Variants in PHIP observed in about 807,000 individuals in gnomAD.
PHIP encodes PH-interacting protein.
Under a neutral mutation model 236.8 loss-of-function variants are expected in PHIP, and 54 were observed. That is an observed-to-expected ratio of 0.23 (90% CI 0.18 to 0.29). The LOEUF (loss-of-function observed/expected upper bound fraction) is 0.29, where lower values mean the gene tolerates loss of function less well. Ranked by LOEUF, PHIP falls within the 10% of genes least tolerant of loss-of-function variation. The probability of loss-of-function intolerance (pLI) is 1.00; values close to 1 mark genes in which losing one functional copy is unlikely to be tolerated. For missense variants in PHIP, 1,370 were observed against 2,190.8 expected (o/e 0.63, Z 7.48); for synonymous variants, 756 against 718.9 (o/e 1.05, Z -0.83).
chr6:79,077,629 G>GGCAGCGGCGGC (rs1365029233), intron 3 of PHIP, 71 bp downstream of exon 3: 2 of 899,724 alleles, frequency 2.2e-6, no homozygotes, highest in African/African-American at 1.8e-5. Context: ...TGCCGGCGGC[G>GGCAGCGGCGGC]GCAGCGGCGG....
chr6:78,975,985 A>G lies in PHIP; in HGVS notation c.2889+2607T>C, dbSNP rs968874326. Among the ~76,000 whole-genome samples the G allele has an allele frequency of 5.9e-5, 9 of 151,954 alleles. No individual in the cohort carries two copies. The East Asian group carries it at 1.7e-3, about 30-fold the overall frequency. ...TACAGATTCAATGCCATCCCCATCA[A>G]GCTACCAATGCCTTTCTTCACAGAA... On this transcript the variant is annotated intron_variant, in intron 24 of 39. Transcript: ENST00000275034.
At chr6:79,017,110 TATAGG>T (rs1770868245) in intron 12 of PHIP, among the ~76,000 whole-genome samples, 1 of 151,950 alleles carries the variant, frequency 6.6e-6, no homozygotes, top group Admixed American at 6.6e-5. Context: ...ATCTGGAATA[TATAGG>T]GTGATTTAAA....
At chr6:79,036,462 C>T (rs1237925488) in intron 7 of PHIP, among the ~76,000 whole-genome samples, 3 of 152,178 alleles carry the variant, frequency 2.0e-5, no homozygotes, top group Non-Finnish European at 4.4e-5. Context: ...TGCTTCTAAA[C>T]AACCTCCTAT....
chr6:78,955,283 C>T lies in PHIP; in HGVS notation c.3853-1G>A. 1 of 1,604,558 alleles carries T rather than the reference C, an allele frequency of 6.2e-7. No individual in the cohort carries two copies. Among genetic ancestry groups the T allele is most frequent in the Non-Finnish European group, 8.5e-7 (1 of 1,172,660 alleles). On this transcript the variant is annotated splice_acceptor_variant, in intron 33 of 39. Coordinates refer to ENST00000275034, the MANE Select transcript of PHIP (RefSeq NM_017934.7). LOFTEE classifies it high-confidence loss of function. Reference sequence around the variant, plus strand: ...GCACATCAGCATCTTTCTCTTCATCCTTTGAGGCAAGAATTTACCAGATTC... The same window carrying T: ...GCACATCAGCATCTTTCTCTTCATCTTTTGAGGCAAGAATTTACCAGATTC...
intron 7 of PHIP, among the ~76,000 whole-genome samples, chr6:79,039,602 A>C (rs1352972405): frequency 6.6e-6 from 1 of 152,186 alleles, no homozygotes; most frequent in Non-Finnish European, 1.5e-5. Context: ...TGGCTGGTTC[A>C]TAAAACTCTG....
intron 6 of PHIP, among the ~76,000 whole-genome samples, chr6:79,044,066 A>G (rs1356746290): frequency 6.6e-6 from 1 of 152,126 alleles, no homozygotes; most frequent in South Asian, 2.1e-4. Flanking sequence ...GGCTCACACT[A>G]TATTTCCAAC....
At chr6:78,977,541 C>G (rs2127713955) in intron 24 of PHIP, among the ~76,000 whole-genome samples, 1 of 151,986 alleles carries the variant, frequency 6.6e-6, no homozygotes, top group African/African-American at 2.4e-5. Flanking sequence ...CATTATTGCT[C>G]CAGTTGTCTG....
intron 6 of PHIP, among the ~76,000 whole-genome samples, chr6:79,047,478 G>T (rs1772560520): frequency 6.6e-6 from 1 of 151,990 alleles, no homozygotes; most frequent in African/African-American, 2.4e-5. Flanking sequence ...TTAAAATTTC[G>T]CAAAGGTTTA....
intron 6 of PHIP, among the ~76,000 whole-genome samples, chr6:79,050,186 A>G (rs1161504157): frequency 6.6e-6 from 1 of 152,172 alleles, no homozygotes; most frequent in Non-Finnish European, 1.5e-5. Context: ...ACCATACAAT[A>G]CATAACAAGG....
chr6:78,972,362 T>C (rs1325549216), intron 24 of PHIP, among the ~76,000 whole-genome samples: 1 of 151,822 alleles, frequency 6.6e-6, no homozygotes, highest in East Asian at 1.9e-4. Context: ...GACATCCACA[T>C]CAAAAACCCA....
rs1279984527 is a variant in PHIP, at chr6:78,934,433, ACTT to A, written c.*6257_*6259del. Among the ~76,000 whole-genome samples, 1 of 152,238 alleles carries A rather than the reference ACTT, an allele frequency of 6.6e-6. No homozygotes were observed. Among genetic ancestry groups the A allele is most frequent in the Non-Finnish European group, 1.5e-5 (1 of 68,042 alleles). ...GCACAATAAAATAAAGTGTGCCTGT[ACTT>A]CTTTTTATTAGTAAACATGTACTTT... On this transcript the variant is annotated 3_prime_UTR_variant, in exon 40 of 40. Transcript: ENST00000275034.
chr6:79,059,594 T>G (rs1401663714), intron 6 of PHIP, among the ~76,000 whole-genome samples: 1 of 48,688 alleles, frequency 2.1e-5, no homozygotes, highest in African/African-American at 7.1e-5. Flanking sequence ...AGCAAAATTA[T>G]ATATATATAT....
rs1766918445 is a variant in PHIP, at chr6:78,963,386, A to C, written c.3380-134T>G. ...ATTTGTAAATATACTCTTTATTTTA[A>C]CAAAGGAAAGTATGTTTTAAGGGTC... On this transcript the variant is annotated intron_variant, in intron 29 of 39. Coordinates refer to ENST00000275034, the MANE Select transcript of PHIP (RefSeq NM_017934.7). 5.0e-6 allele frequency: 3 copies of C among 596,124 alleles called. No homozygotes were observed. In the East Asian group the frequency reaches 1.0e-4, roughly 21 times the overall value. The allele number at this position is 596,124 out of a possible 1,614,324, so 36.9% of individuals were successfully genotyped here. A position where few individuals can be genotyped will look rare whatever the true frequency, so the allele number is the denominator to read the frequency against.
intron 32 of PHIP, chr6:78,957,815 A>G (rs988076594): frequency 6.6e-6 from 1 of 152,018 alleles, no homozygotes; most frequent in Non-Finnish European, 1.5e-5. Flanking sequence ...CCTTAAGATA[A>G]GGAAGGGAAA....
Position 78,988,244 on chromosome 6 carries a change from A to G in PHIP, c.2425T>C (p.Ser809Pro). 1 of 1,599,394 alleles carries G rather than the reference A, an allele frequency of 6.3e-7. No homozygotes were observed. The highest frequency in any genetic ancestry group is 1.1e-5 in the South Asian group (1 of 87,722). ...RSALEETPRPSEEIENGSSSS... is the reference protein window; with the variant it reads ...RSALEETPRPPEEIENGSSSS... ...CTACTGCCATTTTCTATCTCTTCTG[A>G]GGGTCTAGGAGTCTCTTCCAATGCA... The change falls in exon 21 of 40, where the codon TCA becomes CCA. Residue 809 changes from serine (S) to proline (P), a missense_variant. Physicochemically the swap from Ser to Pro is moderately conservative, Grantham distance 74. Around this residue, in one of 14 missense-constraint regions of PHIP, gnomAD observed 99 missense variants for 110.0 expected, o/e 0.90. Coordinates refer to ENST00000275034, the MANE Select transcript of PHIP (RefSeq NM_017934.7).
chr6:79,052,667 G>GA (rs1332791147), intron 6 of PHIP, among the ~76,000 whole-genome samples: 5 of 152,122 alleles, frequency 3.3e-5, no homozygotes, highest in African/African-American at 1.2e-4. Context: ...TTTCATTTTA[G>GA]AAAAAATTTA....
Position 79,078,094 on chromosome 6 carries a change from G to A in PHIP, c.-26C>T. ...GTTTATGGGTCACTTCAGGGCCGCCGACGGGACACCCCGCCGCCGAGGGGA... is the reference window on the plus strand; with the variant it reads ...GTTTATGGGTCACTTCAGGGCCGCCAACGGGACACCCCGCCGCCGAGGGGA... On this transcript the variant is annotated 5_prime_UTR_variant, in exon 1 of 40. Coordinates refer to ENST00000275034, the MANE Select transcript of PHIP (RefSeq NM_017934.7). The A allele has an allele frequency of 3.1e-6, 5 of 1,605,502 alleles. No individual in the cohort carries two copies. The South Asian group carries it at 3.3e-5, about 11-fold the overall frequency.
At chr6:79,042,814 A>T (rs772568635) in intron 7 of PHIP, 29 bp downstream of exon 7, 1 of 1,496,824 alleles carries the variant, frequency 6.7e-7, no homozygotes, top group South Asian at 1.3e-5. Context: ...ACATATATGA[A>T]TATAAATAAT....
intron 9 of PHIP, among the ~76,000 whole-genome samples, chr6:79,024,761 C>T (rs1410632494): frequency 2.6e-5 from 4 of 151,926 alleles, no homozygotes; most frequent in Admixed American, 2.0e-4. Flanking sequence ...GCTGAGATCG[C>T]GACACTGCAA....
Sources: gnomAD v4.1 joint callset for allele counts (sites outside exome capture counted in the v4.1 genomes callset) on GRCh38, gnomAD v4.1.1 for gene constraint, gnomAD v4.1.1 regional missense constraint, MANE v1.5 for transcripts, NCBI Gene and HGNC (gene_info 2026-07-23, HGNC 2026-07-21) for gene names.